TUSC3: variants seen among roughly 807,000 people sequenced by gnomAD.
The protein encoded by TUSC3 is dolichyl-diphosphooligosaccharide--protein glycosyltransferase subunit TUSC3.
In TUSC3, 45 loss-of-function variants were observed where a neutral mutation model predicts 44.8. That is an observed-to-expected ratio of 1.00 (90% confidence interval 0.79 to 1.29). TUSC3 has a LOEUF of 1.29. TUSC3 is among the 50% of genes most tolerant of loss of function. The pLI is 0.00. For missense variants in TUSC3, 519 were observed against 437.9 expected (o/e 1.19, Z -1.65); for synonymous variants, 212 against 152.9 (o/e 1.39, Z -2.85).
the TUSC3 span, among the ~76,000 whole-genome samples, chr8:15,805,414 C>G: frequency 2.0e-5 from 3 of 152,172 alleles, no homozygotes; most frequent in South Asian, 4.2e-4. Flanking sequence ...TGCTGTAGAT[C>G]TTAGGGAAAT....
At chr8:15,505,531 C>T (rs1013381264) in intron 2 of TUSC3, among the ~76,000 whole-genome samples, 1 of 152,168 alleles carries the variant, frequency 6.6e-6, no homozygotes, top group African/African-American at 2.4e-5. Flanking sequence ...TGTTGCCATA[C>T]TAGTTGAATC....
intron 1 of TUSC3, among the ~76,000 whole-genome samples, chr8:15,614,064 A>AGTTATTTTTTTTCTCCCC (rs1804882950): frequency 6.6e-6 from 1 of 151,046 alleles, no homozygotes; most frequent in Admixed American, 6.6e-5. Flanking sequence ...TCCATGAAGG[A>AGTTATTTTTTTTCTCCCC]TAGAAGAGAA....
intron 2 of TUSC3, among the ~76,000 whole-genome samples, chr8:15,528,051 C>T (rs905230532): frequency 4.6e-5 from 7 of 151,794 alleles, no homozygotes. Flanking sequence ...GAATTTAGTC[C>T]CTGAAATAGA....
chr8:15,447,792 A>T (rs1304950088), intron 1 of TUSC3, among the ~76,000 whole-genome samples: 2 of 151,918 alleles, frequency 1.3e-5, no homozygotes. Flanking sequence ...AATGTCAGAA[A>T]ACTATTACAA....
At chr8:15,825,105 T>G in the TUSC3 span, among the ~76,000 whole-genome samples, 1 of 152,214 alleles carries the variant, frequency 6.6e-6, no homozygotes, top group Non-Finnish European at 1.5e-5. Flanking sequence ...GTGCTCCTGA[T>G]ATTTACTGCC....
intron 1 of TUSC3, among the ~76,000 whole-genome samples, chr8:15,419,451 T>C (rs896015954): frequency 6.6e-6 from 1 of 152,226 alleles, no homozygotes; most frequent in Admixed American, 6.5e-5. Context: ...CCAGCAATCA[T>C]AATATTTTAG....
chr8:15,681,712 C>T (rs552726437), intron 6 of TUSC3, among the ~76,000 whole-genome samples: 65 of 151,738 alleles, frequency 4.3e-4, no homozygotes, highest in African/African-American at 1.5e-3. Flanking sequence ...TGTCTGCTAC[C>T]TTTTGGGCTA....
chr8:15,794,024 T>C, the TUSC3 span, among the ~76,000 whole-genome samples: 3 of 152,174 alleles, frequency 2.0e-5, no homozygotes, highest in Non-Finnish European at 4.4e-5. Context: ...CAAGTACCTT[T>C]CCTTGCCCCA....
intron 1 of TUSC3, 51 bp downstream of exon 1, chr8:15,540,619 G>A (rs750000442): frequency 1.1e-5 from 17 of 1,487,034 alleles, no homozygotes; most frequent in Non-Finnish European, 1.4e-5. Context: ...GGGCCAGGGT[G>A]GGCCGCGTTG....
At chr8:15,840,328 T>G in the TUSC3 span, among the ~76,000 whole-genome samples, 1 of 152,058 alleles carries the variant, frequency 6.6e-6, no homozygotes, top group African/African-American at 2.4e-5. Context: ...TATACATATG[T>G]AACAAACCTG....
At chr8:15,422,841 C>T (rs777634967) in intron 1 of TUSC3, among the ~76,000 whole-genome samples, 13 of 152,018 alleles carry the variant, frequency 8.6e-5, no homozygotes, top group Non-Finnish European at 1.6e-4. Context: ...TGGGGTTTTG[C>T]CATGTTGTAC....
chr8:15,761,334 GTC>G (rs1298632588), intron 10 of TUSC3, among the ~76,000 whole-genome samples: 2 of 152,170 alleles, frequency 1.3e-5, no homozygotes, highest in Admixed American at 6.5e-5. Context: ...TGTGTAAACA[GTC>G]TCTCTGCATC....
intron 6 of TUSC3, among the ~76,000 whole-genome samples, chr8:15,711,472 G>C (rs1809849246): frequency 1.3e-5 from 1 of 75,060 alleles, no homozygotes; most frequent in African/African-American, 6.4e-5. Context: ...ACGTGTGTGT[G>C]TGTGTGTGTG....
the TUSC3 span, among the ~76,000 whole-genome samples, chr8:15,794,917 T>C: frequency 6.6e-6 from 1 of 152,166 alleles, no homozygotes; most frequent in Non-Finnish European, 1.5e-5. Context: ...TCACAAGATA[T>C]GGATAAATGT....
intron 1 of TUSC3, among the ~76,000 whole-genome samples, chr8:15,574,027 C>G (rs1224445023): frequency 6.6e-6 from 1 of 152,040 alleles, no homozygotes; most frequent in Non-Finnish European, 1.5e-5. Context: ...ATGTTTTGTT[C>G]CTGGAAGTTA....
chr8:15,535,746 C>G (rs1801513518), upstream of TUSC3, among the ~76,000 whole-genome samples: 2 of 152,164 alleles, frequency 1.3e-5, no homozygotes, highest in South Asian at 2.1e-4. Flanking sequence ...AGTAGCAGTA[C>G]TATAAAAAGT....
intron 2 of TUSC3, among the ~76,000 whole-genome samples, chr8:15,630,849 C>T (rs1185306315): frequency 6.6e-6 from 1 of 152,142 alleles, no homozygotes; most frequent in African/African-American, 2.4e-5. Context: ...AAGAGCCTAT[C>T]ACCCTTTTGT....
chr8:15,839,705 A>G, the TUSC3 span, among the ~76,000 whole-genome samples: 43 of 152,340 alleles, frequency 2.8e-4, no homozygotes, highest in African/African-American at 9.1e-4. Context: ...TAGAATGGTG[A>G]TCATTAAAAA....
At chr8:15,779,861 G>T in the TUSC3 span, among the ~76,000 whole-genome samples, 1 of 152,152 alleles carries the variant, frequency 6.6e-6, no homozygotes, top group African/African-American at 2.4e-5. Flanking sequence ...GGCAACTACA[G>T]AAACGCTATA....
Sources: allele counts gnomAD v4.1 joint callset (sites outside exome capture counted in the v4.1 genomes callset), GRCh38; gene constraint gnomAD v4.1.1; transcripts MANE v1.5; gene names NCBI Gene and HGNC (gene_info 2026-07-23, HGNC 2026-07-21).